Variants in SETMAR observed in about 807,000 individuals in gnomAD.
SETMAR encodes the protein SET and mariner transposase domain methyltransferase.
In SETMAR, 44 loss-of-function variants were observed where a neutral mutation model predicts 58.4. The observed-to-expected ratio is 0.75, with a 90% CI of 0.59 to 0.97. SETMAR has a LOEUF of 0.97. SETMAR is among the 50% of genes least tolerant of loss of function. SETMAR has a pLI of 0.00. For missense variants in SETMAR, 903 were observed against 840.2 expected (o/e 1.07, Z -0.92); for synonymous variants, 332 against 307.4 (o/e 1.08, Z -0.84).
At chr3:4,312,541 C>A (rs1698447679) in intron 1 of SETMAR, among the ~76,000 whole-genome samples, 1 of 151,214 alleles carries the variant, frequency 6.6e-6, no homozygotes, top group African/African-American at 2.4e-5. Context: ...AAAATAAAAC[C>A]ACAAATTCTA....
chr3:4,305,172 G>A (rs955796308), intron 1 of SETMAR, among the ~76,000 whole-genome samples: 1 of 151,954 alleles, frequency 6.6e-6, no homozygotes, highest in African/African-American at 2.4e-5. Flanking sequence ...TGCAACCTCC[G>A]CCTCCCAGGT....
At chr3:4,303,894 A>C in intron 1 of SETMAR, 1 of 1,249,070 alleles carries the variant, frequency 8.0e-7, no homozygotes, top group Admixed American at 2.9e-5. Context: ...GGGCCTATTA[A>C]TGGATCGCAG....
rs755441931 is a variant in SETMAR, at chr3:4,317,076, C to G, written c.1885C>G (p.His629Asp). 7.1e-6 allele frequency: 11 copies of G among 1,549,142 alleles called. No individual in the cohort carries two copies. The African/African-American group carries it at 1.5e-4, about 21-fold the overall frequency. ...LLPTNYHVFK[H>D]LNNFLQGKRF... ...GCCAACCAACTACCACGTCTTTAAG[C>G]ATCTCAACAACTTTTTGCAGGGAAA... Residue 629 changes from histidine to aspartate, a missense_variant, in exon 3 of 3, where the codon CAT (histidine) becomes GAT (aspartate). Coordinates refer to ENST00000358065, the MANE Select transcript of SETMAR (RefSeq NM_006515.4).
chr3:4,303,840 A>G, intron 1 of SETMAR: 1 of 1,339,074 alleles, frequency 7.5e-7, no homozygotes, highest in Non-Finnish European at 9.9e-7. Context: ...GGAGTCATTT[A>G]CCTCCCTGGT....
At position 4,313,029 on chromosome 3, in the gene SETMAR, T is replaced by C. The variant is rs554278495; in HGVS notation, c.288T>C (p.Tyr96=). 1 of 1,613,910 alleles carries C rather than the reference T, an allele frequency of 6.2e-7. No individual in the cohort carries two copies. The highest frequency in any genetic ancestry group is 1.7e-5 in the Admixed American group (1 of 59,964). Residue 96 remains tyrosine (Y), a synonymous_variant, in exon 2 of 3, where the codon TAT becomes TAC. Coordinates refer to ENST00000358065, the MANE Select transcript of SETMAR (RefSeq NM_006515.4). ...TCSCLRHGEN[Y]DDNSCLRDIG... Reference sequence around the variant, plus strand: ...CCTGTCTCCGCCATGGAGAGAACTATGATGATAACTCATGCCTTAGAGATA... The same window carrying C: ...CCTGTCTCCGCCATGGAGAGAACTACGATGATAACTCATGCCTTAGAGATA...
At chr3:4,311,622 G>A (rs1698408140) in intron 1 of SETMAR, among the ~76,000 whole-genome samples, 1 of 152,318 alleles carries the variant, frequency 6.6e-6, no homozygotes, top group Middle Eastern at 3.4e-3. Flanking sequence ...GGCAAGCTAT[G>A]TATCTAATCA....
Position 4,303,469 on chromosome 3 carries a change from C to G in SETMAR, c.99C>G (p.Gly33=), listed in dbSNP as rs775456167. ...APTEQLDVAC[G]QENLPVGAWP... is the part of the protein sequence containing the mutation. Reference sequence around the variant, plus strand: ...CTGAGCAGCTGGATGTCGCGTGCGGCCAGGAAAACTTGCCGGTGGGCGCGT... The same window carrying G: ...CTGAGCAGCTGGATGTCGCGTGCGGGCAGGAAAACTTGCCGGTGGGCGCGT... The change falls in exon 1 of 3, where the codon GGC becomes GGG. Residue 33 remains glycine, a synonymous_variant. Coordinates refer to ENST00000358065, the MANE Select transcript of SETMAR (RefSeq NM_006515.4). 6.6e-7 allele frequency: 1 copy of G among 1,524,512 alleles called. No individual in the cohort carries two copies. Among genetic ancestry groups the G allele is most frequent in the South Asian group, 1.3e-5 (1 of 76,920 alleles). 94.4% of individuals were successfully genotyped at this position (1,524,512 alleles called of 1,614,324 possible). A position where few individuals can be genotyped will look rare whatever the true frequency, so the allele number is the denominator to read the frequency against.
intron 1 of SETMAR, 30 bp downstream of exon 1, chr3:4,303,556 C>T (rs1461237211): frequency 1.5e-6 from 2 of 1,339,284 alleles, no homozygotes; most frequent in Non-Finnish European, 1.9e-6. Context: ...GCGCGGGAGG[C>T]GGGCGCGCGG....
At chr3:4,315,095 C>G (rs1048136434) in intron 2 of SETMAR, among the ~76,000 whole-genome samples, 1 of 152,100 alleles carries the variant, frequency 6.6e-6, no homozygotes, top group Non-Finnish European at 1.5e-5. Flanking sequence ...ACAAATGGTA[C>G]TAGAGTACAC....
At position 4,317,033 on chromosome 3, in the gene SETMAR, G is replaced by T. The variant is rs776697150; in HGVS notation, c.1842G>T (p.Pro614=). The part of the protein sequence containing the change: ...ELGYEVLPHP[P]YSPDLLPTNY... ...GCTATGAAGTTTTGCCTCATCCACCGTATTCACCTGACCTCTTGCCAACCA... is the reference window on the plus strand; with the variant it reads ...GCTATGAAGTTTTGCCTCATCCACCTTATTCACCTGACCTCTTGCCAACCA... The change falls in exon 3 of 3, where the codon CCG becomes CCT. Residue 614 remains proline (P), a synonymous_variant. Transcript: ENST00000358065. 1.3e-6 allele frequency: 2 copies of T among 1,549,304 alleles called. No homozygotes were observed. Among genetic ancestry groups the T allele is most frequent in the Non-Finnish European group, 1.7e-6 (2 of 1,146,714 alleles).
At chr3:4,315,388 T>G (rs182684025) in intron 2 of SETMAR, among the ~76,000 whole-genome samples, 178 of 152,292 alleles carry the variant, frequency 1.2e-3, no homozygotes, top group South Asian at 2.3e-3. Flanking sequence ...CCTTTCTATA[T>G]TGAACAGCAG....
chr3:4,307,307 C>T (rs187815429), intron 1 of SETMAR, among the ~76,000 whole-genome samples: 1 of 152,332 alleles, frequency 6.6e-6, no homozygotes, highest in East Asian at 1.9e-4. Context: ...GCTTCTTGAG[C>T]ACCTGCTGTG....
intron 1 of SETMAR, among the ~76,000 whole-genome samples, chr3:4,311,984 T>G (rs1481023760): frequency 6.6e-6 from 1 of 152,222 alleles, no homozygotes; most frequent in South Asian, 2.1e-4. Context: ...AGATTGAGGA[T>G]TGTCTTCTTT....
Position 4,303,435 on chromosome 3 carries a change from AGG to A in SETMAR, c.66_67del (p.Glu22AspfsTer4). 1 of 1,552,172 alleles carries A rather than the reference AGG, an allele frequency of 6.4e-7. No individual in the cohort carries two copies. The highest frequency in any genetic ancestry group is 8.7e-7 in the Non-Finnish European group (1 of 1,154,380). On this transcript the variant is annotated frameshift_variant, in exon 1 of 3. Coordinates refer to ENST00000358065, the MANE Select transcript of SETMAR (RefSeq NM_006515.4). LOFTEE classifies it high-confidence loss of function. ...ATGGCGGAGTTTAAGGAGAAGCCTGAGGCCCCGACTGAGCAGCTGGATGTCGC... is the reference window on the plus strand; with the variant it reads ...ATGGCGGAGTTTAAGGAGAAGCCTGACCCCGACTGAGCAGCTGGATGTCGC...
intron 1 of SETMAR, among the ~76,000 whole-genome samples, chr3:4,308,956 G>A (rs879625793): frequency 2.0e-5 from 3 of 152,196 alleles, no homozygotes; most frequent in Non-Finnish European, 2.9e-5. Flanking sequence ...TTGGGATATG[G>A]CTTAGTTTTA....
chr3:4,312,800 A>G (rs1050731603), intron 1 of SETMAR, 98 bp from the exon 2 acceptor site: 15 of 1,386,608 alleles, frequency 1.1e-5, no homozygotes, highest in Non-Finnish European at 1.5e-5. Flanking sequence ...GTTTTTATAT[A>G]TGTTAGAATT....
At chr3:4,303,641 C>T (rs1021234246) in intron 1 of SETMAR, 115 bp downstream of exon 1, 4 of 1,425,238 alleles carry the variant, frequency 2.8e-6, no homozygotes, top group African/African-American at 1.5e-5. Flanking sequence ...TCTCTTACAG[C>T]GCACCCGTTG....
At chr3:4,308,575 T>G (rs1698283110) in intron 1 of SETMAR, among the ~76,000 whole-genome samples, 1 of 152,250 alleles carries the variant, frequency 6.6e-6, no homozygotes, top group Non-Finnish European at 1.5e-5. Flanking sequence ...GTGGGTATTA[T>G]CCTTGTCTTA....
intron 1 of SETMAR, among the ~76,000 whole-genome samples, chr3:4,306,619 C>T (rs185785417): frequency 6.6e-6 from 1 of 152,198 alleles, no homozygotes; most frequent in Non-Finnish European, 1.5e-5. Flanking sequence ...ATCAAACATG[C>T]TTGAAACATT....
Sources: gnomAD v4.1 joint callset for allele counts (sites outside exome capture counted in the v4.1 genomes callset) on GRCh38, gnomAD v4.1.1 for gene constraint, MANE v1.5 for transcripts, NCBI Gene and HGNC (gene_info 2026-07-23, HGNC 2026-07-21) for gene names.